Variants in MAPK10 observed in about 807,000 individuals in gnomAD.
The protein encoded by MAPK10 is JNK3 alpha protein kinase.
Under a neutral mutation model 59.3 loss-of-function variants are expected in MAPK10, and 25 were observed. The observed-to-expected ratio is 0.42, with a 90% CI of 0.31 to 0.59. The LOEUF is 0.59. Ranked by LOEUF, MAPK10 falls within the 20% of genes least tolerant of loss-of-function variation. The probability of loss-of-function intolerance (pLI) is 0.15; values close to 1 mark genes in which losing one functional copy is unlikely to be tolerated. For synonymous variants in MAPK10, 190 were observed against 200.5 expected (o/e 0.95, Z 0.44); for missense variants, 351 against 568.9 (o/e 0.62, Z 3.90).
At chr4:86,522,031 A>C (rs1244642179) in intron 1 of MAPK10, among the ~76,000 whole-genome samples, 1 of 151,974 alleles carries the variant, frequency 6.6e-6, no homozygotes, top group East Asian at 1.9e-4. Context: ...GGCTCTTCAC[A>C]CTGCTTCTTC....
chr4:86,427,330 C>T (rs575391083), intron 1 of MAPK10, among the ~76,000 whole-genome samples: 18 of 151,636 alleles, frequency 1.2e-4, no homozygotes, highest in Middle Eastern at 6.8e-3. Context: ...TGCAGATTAT[C>T]TATGTCACTC....
chr4:86,239,128 T>C (rs1659616789), intron 2 of MAPK10, among the ~76,000 whole-genome samples: 1 of 152,240 alleles, frequency 6.6e-6, no homozygotes, highest in Admixed American at 6.5e-5. Flanking sequence ...TCTTTGGTTC[T>C]GTTTATGTGA....
intron 1 of MAPK10, among the ~76,000 whole-genome samples, chr4:86,415,910 CCAGATTAGA>C (rs1745804905): frequency 6.6e-6 from 1 of 152,104 alleles, no homozygotes; most frequent in Admixed American, 6.6e-5. Context: ...AATATGCCTT[CCAGATTAGA>C]CAAAGTTGGA....
At chr4:86,545,138 C>T (rs1365859338) in intron 1 of MAPK10, among the ~76,000 whole-genome samples, 1 of 152,086 alleles carries the variant, frequency 6.6e-6, no homozygotes, top group Non-Finnish European at 1.5e-5. Context: ...ATGTGTGTAT[C>T]AACATAAGGC....
At chr4:86,040,050 G>A (rs1407779142) in intron 11 of MAPK10, among the ~76,000 whole-genome samples, 1 of 152,118 alleles carries the variant, frequency 6.6e-6, no homozygotes, top group Non-Finnish European at 1.5e-5. Flanking sequence ...TGCAAAGACT[G>A]GAATAAGCCC....
intron 1 of MAPK10, among the ~76,000 whole-genome samples, chr4:86,374,257 G>A (rs1297612260): frequency 6.6e-6 from 1 of 152,096 alleles, no homozygotes; most frequent in Non-Finnish European, 1.5e-5. Context: ...GGGCCTGTTG[G>A]GGGTGGGGGA....
At chr4:86,477,816 T>A (rs963725568) in intron 1 of MAPK10, among the ~76,000 whole-genome samples, 4 of 152,086 alleles carry the variant, frequency 2.6e-5, no homozygotes, top group Non-Finnish European at 4.4e-5. Context: ...CCACAACCCA[T>A]TATTCTGTTC....
intron 4 of MAPK10, among the ~76,000 whole-genome samples, chr4:86,156,306 G>T (rs1297894826): frequency 6.6e-6 from 1 of 151,828 alleles, no homozygotes; most frequent in South Asian, 2.1e-4. Context: ...AACATAAAAT[G>T]TATCATCTTA....
chr4:86,077,110 T>G (rs2049655978), intron 9 of MAPK10, among the ~76,000 whole-genome samples: 1 of 152,144 alleles, frequency 6.6e-6, no homozygotes, highest in Non-Finnish European at 1.5e-5. Context: ...TAGAGTTATA[T>G]TGTAAGAAGT....
chr4:86,100,265 A>G (rs934650756), intron 8 of MAPK10: 33 of 152,174 alleles, frequency 2.2e-4, no homozygotes, highest in African/African-American at 5.8e-4. Context: ...CATTACTTGT[A>G]AGATATAGTC....
intron 3 of MAPK10, among the ~76,000 whole-genome samples, chr4:86,167,647 G>T (rs996822965): frequency 1.3e-5 from 2 of 152,114 alleles, no homozygotes; most frequent in African/African-American, 2.4e-5. Context: ...TGCAGAAAAG[G>T]CCTTTGATAA....
intron 1 of MAPK10, among the ~76,000 whole-genome samples, chr4:86,400,823 T>C (rs566658856): frequency 6.6e-6 from 1 of 152,158 alleles, no homozygotes; most frequent in Non-Finnish European, 1.5e-5. Flanking sequence ...AATTATGAGA[T>C]CTACTGATAA....
rs538196725 is a variant in MAPK10, at chr4:86,098,010, T to C, written c.802+514A>G. Among the ~76,000 whole-genome samples, 13 of 152,258 alleles carry C rather than the reference T, an allele frequency of 8.5e-5. No individual in the cohort carries two copies. In the South Asian group the frequency reaches 2.7e-3, roughly 31 times the overall value. On this transcript the variant is annotated intron_variant, in intron 9 of 13. Coordinates refer to ENST00000641462, the MANE Select transcript of MAPK10 (RefSeq NM_138982.4). ...TACAATTTTTAAATGCAGAAGTTCATGTTTTGAGGAAGATATGCTATATTG... is the reference window on the plus strand; with the variant it reads ...TACAATTTTTAAATGCAGAAGTTCACGTTTTGAGGAAGATATGCTATATTG...
intron 1 of MAPK10, among the ~76,000 whole-genome samples, chr4:86,484,693 C>T (rs1404283470): frequency 1.3e-5 from 2 of 152,078 alleles, no homozygotes; most frequent in Non-Finnish European, 2.9e-5. Flanking sequence ...TCTATCTAAT[C>T]TTTATGTGAA....
intron 2 of MAPK10, among the ~76,000 whole-genome samples, chr4:86,218,230 G>C (rs922526835): frequency 3.3e-5 from 5 of 152,056 alleles, no homozygotes; most frequent in African/African-American, 1.2e-4. Flanking sequence ...TTGAGACGGA[G>C]TCTCACGCTG....
intron 1 of MAPK10, among the ~76,000 whole-genome samples, chr4:86,587,662 G>A (rs964016536): frequency 6.6e-6 from 1 of 152,192 alleles, no homozygotes; most frequent in Non-Finnish European, 1.5e-5. Flanking sequence ...GTTGGTACAA[G>A]CCAGAATGCA....
intron 1 of MAPK10, among the ~76,000 whole-genome samples, chr4:86,484,048 T>C (rs1175560190): frequency 6.6e-6 from 1 of 152,140 alleles, no homozygotes; most frequent in Non-Finnish European, 1.5e-5. Context: ...ACAGCAGTTG[T>C]ATTATTAAAG....
intron 1 of MAPK10, among the ~76,000 whole-genome samples, chr4:86,490,109 G>A (rs778951856): frequency 9.2e-5 from 14 of 152,158 alleles, no homozygotes; most frequent in Non-Finnish European, 1.5e-4. Flanking sequence ...AATAAATAGT[G>A]TATCTGCTTG....
At chr4:86,183,601 C>T (rs975837647) in intron 3 of MAPK10, among the ~76,000 whole-genome samples, 52 of 152,014 alleles carry the variant, frequency 3.4e-4, no homozygotes, top group African/African-American at 1.1e-3. Context: ...AATAAACATA[C>T]GTGTGCATGT....
Sources: allele counts gnomAD v4.1 joint callset (sites outside exome capture counted in the v4.1 genomes callset), GRCh38; gene constraint gnomAD v4.1.1; transcripts MANE v1.5; gene names NCBI Gene and HGNC (gene_info 2026-07-23, HGNC 2026-07-21).